Variants in PLCE1 observed in about 807,000 individuals in gnomAD.
PLCE1 encodes phospholipase C epsilon 1, also known as 1-phosphatidylinositol 4,5-bisphosphate phosphodiesterase epsilon-1.
In PLCE1, 119 loss-of-function variants were observed where a neutral mutation model predicts 242.8. That is an observed-to-expected ratio of 0.49 (90% CI 0.42 to 0.57). The LOEUF (loss-of-function observed/expected upper bound fraction) is 0.57. Ranked by LOEUF, PLCE1 falls within the 20% of genes least tolerant of loss-of-function variation. The probability of loss-of-function intolerance (pLI) is 0.00; values close to 1 mark genes in which losing one functional copy is unlikely to be tolerated. For missense variants in PLCE1, 2,441 were observed against 2,788.8 expected (o/e 0.88, Z 2.81); for synonymous variants, 945 against 1,017.4 (o/e 0.93, Z 1.35).
intron 13 of PLCE1, among the ~76,000 whole-genome samples, chr10:94,261,438 T>C (rs1013522856): frequency 1.3e-5 from 2 of 152,202 alleles, no homozygotes; most frequent in Non-Finnish European, 2.9e-5. Context: ...GTTTTAGCAA[T>C]TATGAATAAA....
At chr10:94,023,075 G>A (rs1357733817) in intron 1 of PLCE1, among the ~76,000 whole-genome samples, 2 of 152,138 alleles carry the variant, frequency 1.3e-5, no homozygotes, top group African/African-American at 4.8e-5. Context: ...GTGGTGGAAG[G>A]TAGGAAGAGC....
chr10:94,016,446 A>G (rs74151969), intron 1 of PLCE1, among the ~76,000 whole-genome samples: 4,757 of 152,192 alleles, frequency 0.031, 219 homozygotes, highest in African/African-American at 0.1. Flanking sequence ...ATTTTATATA[A>G]TATTTAGAAT....
intron 3 of PLCE1, among the ~76,000 whole-genome samples, chr10:94,165,100 G>A (rs1036563769): frequency 6.6e-6 from 1 of 152,230 alleles, no homozygotes; most frequent in Non-Finnish European, 1.5e-5. Flanking sequence ...CACTTGAGGA[G>A]GCAGTCTGTC....
Position 94,242,175 on chromosome 10 carries a change from A to T in PLCE1, c.2421-3771A>T, listed in dbSNP as rs536465050. On this transcript the variant is annotated intron_variant, in intron 7 of 32. Transcript: ENST00000371380. ...TGTTACCGAGAGCAATTTCAGAGGG[A>T]TGGAGCTAAATAAGACACAAATGAT... Among the ~76,000 whole-genome samples the T allele has an allele frequency of 6.6e-5, 10 of 152,308 alleles. No individual in the cohort carries two copies. In the South Asian group the frequency reaches 2.1e-3, roughly 32 times the overall value.
intron 4 of PLCE1, among the ~76,000 whole-genome samples, chr10:94,209,651 A>G (rs1448501200): frequency 6.6e-6 from 1 of 152,214 alleles, no homozygotes; most frequent in African/African-American, 2.4e-5. Context: ...ATGCTATCCA[A>G]CACAGAGACT....
intron 4 of PLCE1, among the ~76,000 whole-genome samples, chr10:94,188,084 A>G (rs1464817574): frequency 2.0e-5 from 3 of 152,074 alleles, no homozygotes; most frequent in Non-Finnish European, 4.4e-5. Context: ...CCCCAGCACC[A>G]TAATTCATGT....
intron 4 of PLCE1, among the ~76,000 whole-genome samples, chr10:94,222,097 G>A (rs561332560): frequency 6.6e-6 from 1 of 152,308 alleles, no homozygotes; most frequent in Non-Finnish European, 1.5e-5. Context: ...ATGTGGGAAA[G>A]ATGGTCTCTG....
At position 94,060,862 on chromosome 10, in the gene PLCE1, A is replaced by G. The variant is rs768703457; in HGVS notation, c.1206+28610A>G. On this transcript the variant is annotated intron_variant, in intron 2 of 32. Transcript: ENST00000371380. ...CAGGCGCATGTCACCACACCCAGCTAATTTTTGTATTTTTTGTAGAGATGG... is the reference window on the plus strand; with the variant it reads ...CAGGCGCATGTCACCACACCCAGCTGATTTTTGTATTTTTTGTAGAGATGG... 8.0e-4 allele frequency among the ~76,000 whole-genome samples: 122 copies of G among 151,744 alleles called. 1 individual carries two copies. Among genetic ancestry groups the G allele is most frequent in the Non-Finnish European group, 1.3e-3 (89 of 67,908 alleles).
intron 1 of PLCE1, among the ~76,000 whole-genome samples, chr10:93,998,043 C>A (rs764748130): frequency 6.6e-6 from 1 of 152,282 alleles, no homozygotes; most frequent in Non-Finnish European, 1.5e-5. Flanking sequence ...GCCCTCCTGG[C>A]GTGTTTTTGG....
At chr10:94,255,917 C>CTCTCTCTCTCTCTCTG (rs2051068039) in intron 11 of PLCE1, among the ~76,000 whole-genome samples, 2 of 40,914 alleles carry the variant, frequency 4.9e-5, no homozygotes, top group Admixed American at 2.1e-4. Context: ...CACACACACT[C>CTCTCTCTCTCTCTCTG]TCTCTCTCTC....
chr10:94,299,992 TA>T (rs2052978462), intron 24 of PLCE1, among the ~76,000 whole-genome samples: 2 of 152,244 alleles, frequency 1.3e-5, no homozygotes, highest in African/African-American at 4.8e-5. Context: ...TTCAAAGTTG[TA>T]AAAACTTTAT....
At chr10:94,192,777 A>G (rs1046400547) in intron 4 of PLCE1, among the ~76,000 whole-genome samples, 1 of 152,204 alleles carries the variant, frequency 6.6e-6, no homozygotes, top group African/African-American at 2.4e-5. Flanking sequence ...CAGTGGCTGA[A>G]CTAATTTACA....
chr10:94,014,624 C>T (rs928011268), intron 1 of PLCE1, among the ~76,000 whole-genome samples: 1 of 152,166 alleles, frequency 6.6e-6, no homozygotes, highest in Non-Finnish European at 1.5e-5. Context: ...AGCTGAAACT[C>T]CATACCCATT....
At chr10:94,001,724 A>C (rs2060934581) in intron 1 of PLCE1, among the ~76,000 whole-genome samples, 1 of 152,178 alleles carries the variant, frequency 6.6e-6, no homozygotes, top group Admixed American at 6.5e-5. Flanking sequence ...AGAAAGTTTC[A>C]ATTCATTTGT....
chr10:94,210,914 C>T (rs542781106), intron 4 of PLCE1, among the ~76,000 whole-genome samples: 2 of 152,356 alleles, frequency 1.3e-5, no homozygotes, highest in South Asian at 2.1e-4. Flanking sequence ...TCTCTATTCT[C>T]CTCTGCCCTT....
At chr10:94,242,660 T>C (rs2050549176) in intron 7 of PLCE1, among the ~76,000 whole-genome samples, 1 of 152,096 alleles carries the variant, frequency 6.6e-6, no homozygotes. Flanking sequence ...GCAAGGTTTC[T>C]CCTAGAGAGG....
intron 5 of PLCE1, 129 bp from the exon 6 acceptor site, chr10:94,233,925 G>A (rs1051537158): frequency 7.4e-6 from 6 of 807,676 alleles, no homozygotes; most frequent in Non-Finnish European, 1.2e-5. Context: ...TCCAGCCTGG[G>A]CAACAGAGTG....
chr10:94,078,486 T>C (rs2044567170), intron 2 of PLCE1, among the ~76,000 whole-genome samples: 1 of 150,648 alleles, frequency 6.6e-6, no homozygotes, highest in Non-Finnish European at 1.5e-5. Flanking sequence ...AAAATCACTT[T>C]TTGCTCATTT....
Position 94,246,498 on chromosome 10 carries a change from A to G in PLCE1, c.2973A>G (p.Pro991=), listed in dbSNP as rs2137520000. 1 of 1,614,204 alleles carries G rather than the reference A, an allele frequency of 6.2e-7. No homozygotes were observed. The highest frequency in any genetic ancestry group is 1.3e-5 in the African/African-American group (1 of 75,056). Residue 991 remains proline, a synonymous_variant, in exon 8 of 33, where the codon CCA becomes CCG. Transcript: ENST00000371380. The part of the protein sequence containing the change: ...TDNRLLHFVA[P]KHTAKMLFSG... The stretch of plus-strand genomic sequence containing the variant: ...ACAGATTATTGCACTTCGTGGCACC[A>G]AAGCACACAGCTAAAATGCTCTTCA...
Sources: gnomAD v4.1 joint callset for allele counts (sites outside exome capture counted in the v4.1 genomes callset) on GRCh38, gnomAD v4.1.1 for gene constraint, MANE v1.5 for transcripts, NCBI Gene and HGNC (gene_info 2026-07-23, HGNC 2026-07-21) for gene names.